CACNA1F: variants seen among roughly 807,000 people sequenced by gnomAD.
CACNA1F encodes voltage-dependent L-type calcium channel subunit alpha-1F.
CACNA1F carries 59 observed loss-of-function variants against 143.8 expected under a neutral mutation model. That is an observed-to-expected ratio of 0.41 (90% CI 0.33 to 0.51). The LOEUF (loss-of-function observed/expected upper bound fraction) is 0.51, where lower values mean the gene tolerates loss of function less well. Ranked by LOEUF, CACNA1F falls within the 20% of genes least tolerant of loss-of-function variation. The probability of loss-of-function intolerance (pLI) is 0.22; values close to 1 mark genes in which losing one functional copy is unlikely to be tolerated. For synonymous variants in CACNA1F, 643 were observed against 649.1 expected (o/e 0.99, Z 0.14); for missense variants, 1,411 against 1,647.5 (o/e 0.86, Z 2.48).
In CACNA1F at chrX:49,224,782, AG is replaced by A. The variant is rs2147916504; in HGVS notation, c.1855del (p.Leu619SerfsTer13). The stretch of plus-strand genomic sequence containing the variant: ...AAACCTGGTGACCTTAAAGATCCTG[AG>A]GAGGCGCACACATCGGAGCACTGAG... ...GISVLRCVRL[L>X]RIFKVTRHWA... On this transcript the variant is annotated frameshift_variant, in exon 14 of 48. Coordinates refer to ENST00000323022, the MANE Select transcript of CACNA1F (RefSeq NM_001256789.3). LOFTEE classifies it high-confidence loss of function. 8.5e-7 allele frequency: 1 copy of A among 1,179,997 alleles called. No homozygotes were observed. Among genetic ancestry groups the A allele is most frequent in the Non-Finnish European group, 1.1e-6 (1 of 876,952 alleles).
rs782693307 is a variant in CACNA1F, at chrX:49,217,948, T to C, written c.2986A>G (p.Thr996Ala). The change falls in exon 25 of 48, where the codon ACC becomes GCC. Residue 996 changes from threonine (T) to alanine (A), a missense_variant. This residue lies in a region of CACNA1F where 950 missense variants were observed against 1,128.1 expected (regional missense o/e 0.84). Transcript: ENST00000323022. ...IRTIGNIMIV[T>A]TLLQFMFACI... Reference sequence around the variant, plus strand: ...GCGAACATAAATTGCAGAAGTGTGGTGACAATCATGATGTTTCCGATGGTC... The same window carrying C: ...GCGAACATAAATTGCAGAAGTGTGGCGACAATCATGATGTTTCCGATGGTC... The C allele has an allele frequency of 5.0e-6, 6 of 1,208,888 alleles. No homozygotes were observed. The Admixed American group carries it at 1.3e-4, about 26-fold the overall frequency.
rs370863603 is a variant in CACNA1F, at chrX:49,211,432, C to T, written c.4150G>A (p.Gly1384Arg). 17 of 1,208,568 alleles carry T rather than the reference C, an allele frequency of 1.4e-5. No individual in the cohort carries two copies. The highest frequency in any genetic ancestry group is 8.8e-5 in the South Asian group (5 of 56,783). ...TCAGACTCAGGATCACACCGATTTC[C>T]GGGAAGGCTGGCAAGCATTATCTCC... ...WQEIMLASLP[G>R]NRCDPESDFG... The change falls in exon 36 of 48, where the codon GGA (glycine) becomes AGA (arginine). Residue 1384 changes from glycine (G) to arginine (R), a missense_variant. Gly to Arg is a moderately radical substitution (Grantham distance 125). Around this residue, in one of 3 missense-constraint regions of CACNA1F, gnomAD observed 112 missense variants for 169.2 expected, o/e 0.66. Coordinates refer to ENST00000323022, the MANE Select transcript of CACNA1F (RefSeq NM_001256789.3).
chrX:49,205,698 G>A lies in CACNA1F; in HGVS notation c.5588C>T (p.Thr1863Ile), dbSNP rs2065587632. ...YLGRSSGPLR[T>I]FTCLHVPGTH... ...TCCAGGCACGTGCAGACAGGTGAAG[G>A]TGCGCAGTGGGCCACTGGATCTGCC... Residue 1863 changes from threonine to isoleucine, a missense_variant, in exon 47 of 48, where the codon ACC becomes ATC. Thr to Ile is a moderately conservative substitution (Grantham distance 89). This residue lies in a region of CACNA1F where 349 missense variants were observed against 350.2 expected (regional missense o/e 1.00). Transcript: ENST00000323022. 8.3e-7 allele frequency: 1 copy of A among 1,202,851 alleles called. No homozygotes were observed. Among genetic ancestry groups the A allele is most frequent in the Non-Finnish European group, 1.1e-6 (1 of 891,496 alleles).
rs1557111181 is a variant in CACNA1F, at chrX:49,230,918, C to T, written c.453G>A (p.Leu151=). The part of the protein sequence containing the change: ...ETVLKIVAYG[L]VLHPSAYIRN... ...GGATGTAGGCGCTGGGGTGGAGCAC[C>T]AGCCCGTAGGCCACGATCTTGAGCA... Residue 151 remains leucine (L), a synonymous_variant, in exon 4 of 48, where the codon CTG becomes CTA. Transcript: ENST00000323022. The T allele has an allele frequency of 8.4e-7, 1 of 1,190,916 alleles. No individual in the cohort carries two copies. Among genetic ancestry groups the T allele is most frequent in the Non-Finnish European group, 1.1e-6 (1 of 883,065 alleles).
rs1557106075 is a variant in CACNA1F at position 49,210,950 on chromosome X, G to T, written c.4388+15C>A. On this transcript the variant is annotated intron_variant, in intron 37 of 47. Transcript: ENST00000323022. The stretch of plus-strand genomic sequence containing the variant: ...ATTGTCCCCTGGATTCTAGGTAAGG[G>T]TATAGAGGGCATACTTGGCCCCAGG... 4 of 1,201,742 alleles carry T rather than the reference G, an allele frequency of 3.3e-6. No homozygotes were observed. In the South Asian group the frequency reaches 5.4e-5, roughly 16 times the overall value.
intron 26 of CACNA1F, among the ~76,000 whole-genome samples, chrX:49,217,316 T>A (rs1369345863): frequency 8.8e-6 from 1 of 113,084 alleles, no homozygotes; most frequent in Non-Finnish European, 1.9e-5. Context: ...TTCCATGTAG[T>A]AGCTCATTTA....
rs782127623 is a variant in CACNA1F, at chrX:49,226,380, G to A, written c.1463+29C>T. 2.8e-5 allele frequency: 32 copies of A among 1,163,246 alleles called. No homozygotes were observed. In the Admixed American group the frequency reaches 7.5e-4, roughly 27 times the overall value. On this transcript the variant is annotated intron_variant, in intron 11 of 47. Transcript: ENST00000323022. ...TGAGTCAGGGTTTGGACTGGCTTCT[G>A]GGCTGGGTCAGGGGCTGGGGGCCCT...
chrX:49,219,799 A>G lies in CACNA1F; in HGVS notation c.2387-9T>C. On this transcript the variant is annotated splice_polypyrimidine_tract_variant and intron_variant, in intron 19 of 47. Transcript: ENST00000323022. Reference sequence around the variant, plus strand: ...CTCCTCCTCCTCCATGTCTGGCACCAGAGAAAAGCAAAAAAAAATTAATTG... The same window carrying G: ...CTCCTCCTCCTCCATGTCTGGCACCGGAGAAAAGCAAAAAAAAATTAATTG... 9.7e-7 allele frequency: 1 copy of G among 1,026,616 alleles called. No homozygotes were observed. The highest frequency in any genetic ancestry group is 1.3e-6 in the Non-Finnish European group (1 of 747,623). 84.6% of individuals were successfully genotyped at this position (1,026,616 alleles called of 1,213,427 possible). A position where few individuals can be genotyped will look rare whatever the true frequency, so the allele number is the denominator to read the frequency against.
intron 17 of CACNA1F, among the ~76,000 whole-genome samples, chrX:49,221,511 C>T (rs371341734): frequency 2.7e-5 from 3 of 110,225 alleles, no homozygotes; most frequent in South Asian, 3.9e-4. Context: ...TGGGTTCAAG[C>T]GAGCTTGTCC....
intron 1 of CACNA1F, 30 bp from the exon 2 acceptor site, chrX:49,231,957 C>T: frequency 8.6e-7 from 1 of 1,156,822 alleles, no homozygotes; most frequent in Non-Finnish European, 1.2e-6. Context: ...CAGGGAGGGA[C>T]AGGGTATTGG....
Position 49,205,169 on chromosome X carries a change from C to T in CACNA1F, c.5869G>A (p.Gly1957Arg), listed in dbSNP as rs1557104480. ...ILSRFDEEDL[G>R]DEMACVHAL ...GCGTGGACGCAGGCCATCTCGTCTC[C>T]CAAGTCCTCCTCATCGAAGCGGGAG... Residue 1957 changes from glycine to arginine, a missense_variant, in exon 48 of 48, where the codon GGA (glycine) becomes AGA (arginine). Transcript: ENST00000323022. The T allele has an allele frequency of 1.7e-6, 2 of 1,210,927 alleles. No individual in the cohort carries two copies. The highest frequency in any genetic ancestry group is 2.2e-6 in the Non-Finnish European group (2 of 894,771).
At position 49,219,656 on chromosome X, in the gene CACNA1F, A is replaced by C. The variant is rs1281243509; in HGVS notation, c.2521T>G (p.Phe841Val). The C allele has an allele frequency of 8.3e-7, 1 of 1,203,013 alleles. No homozygotes were observed. Among genetic ancestry groups the C allele is most frequent in the Non-Finnish European group, 1.1e-6 (1 of 891,959 alleles). Residue 841 changes from phenylalanine to valine, a missense_variant, in exon 20 of 48, where the codon TTC (phenylalanine) becomes GTC (valine). Phe to Val is a conservative substitution (Grantham distance 50). This residue lies in a region of CACNA1F where 950 missense variants were observed against 1,128.1 expected (regional missense o/e 0.84). Coordinates refer to ENST00000323022, the MANE Select transcript of CACNA1F (RefSeq NM_001256789.3). ...CACGGGTTGGTTTGGCTGAGGCAGA[A>C]GAAGGCGCTGCCCTCAGGGATGGGT... ...VVPIPEGSAF[F>V]CLSQTNPLRK...
intron 41 of CACNA1F, 116 bp downstream of exon 41, chrX:49,209,513 C>T (rs1253586403): frequency 2.7e-6 from 3 of 1,129,475 alleles, no homozygotes; most frequent in Non-Finnish European, 3.6e-6. Flanking sequence ...CTCCGTGAGG[C>T]CTGGGGCCTC....
Position 49,226,007 on chromosome X carries a change from T to C in CACNA1F, c.1553A>G (p.Asn518Ser), listed in dbSNP as rs1236094631. The C allele has an allele frequency of 3.4e-6, 4 of 1,182,420 alleles. No homozygotes were observed. In the African/African-American group the frequency reaches 5.3e-5, roughly 16 times the overall value. ...CAACAGCACAGCCCAGTAGCAGGCATTGGACTTCACTGCCCGACGGCAGCG... is the reference window on the plus strand; with the variant it reads ...CAACAGCACAGCCCAGTAGCAGGCACTGGACTTCACTGCCCGACGGCAGCG... ...RARCRRAVKS[N>S]ACYWAVLLLV... Residue 518 changes from asparagine (N) to serine (S), a missense_variant, in exon 13 of 48, where the codon AAT (asparagine) becomes AGT (serine). Around this residue, in one of 3 missense-constraint regions of CACNA1F, gnomAD observed 950 missense variants for 1,128.1 expected, o/e 0.84. Coordinates refer to ENST00000323022, the MANE Select transcript of CACNA1F (RefSeq NM_001256789.3).
Position 49,231,006 on chromosome X carries a change from G to A in CACNA1F, c.382-17C>T. On this transcript the variant is annotated splice_polypyrimidine_tract_variant and intron_variant, in intron 3 of 47. Transcript: ENST00000323022. ...CACCTGCTCCTGGGGGTGGGACCGG[G>A]GGGCGGGTCGGGAAGTCGAGGAGTT... The A allele has an allele frequency of 9.0e-7, 1 of 1,115,982 alleles. No homozygotes were observed. The highest frequency in any genetic ancestry group is 2.2e-5 in the Admixed American group (1 of 45,212). The allele number at this position is 1,115,982 out of a possible 1,213,427, so 92.0% of individuals were successfully genotyped here. A position where few individuals can be genotyped will look rare whatever the true frequency, so the allele number is the denominator to read the frequency against.
chrX:49,231,133 G>A lies in CACNA1F; in HGVS notation c.381+69C>T, dbSNP rs2065874656. Reference sequence around the variant, plus strand: ...CCGGGTCAGAGAGGGGGCGGGGTCTGGCTGGAAGGAGTGAGCTCTACTGGG... The same window carrying A: ...CCGGGTCAGAGAGGGGGCGGGGTCTAGCTGGAAGGAGTGAGCTCTACTGGG... On this transcript the variant is annotated intron_variant, in intron 3 of 47. Transcript: ENST00000323022. The A allele has an allele frequency of 1.5e-5, 13 of 865,501 alleles. No individual in the cohort carries two copies. In the South Asian group the frequency reaches 2.4e-4, roughly 16 times the overall value. 71.3% of individuals were successfully genotyped at this position (865,501 alleles called of 1,213,427 possible). A position where few individuals can be genotyped will look rare whatever the true frequency, so the allele number is the denominator to read the frequency against.
chrX:49,208,161 G>T (rs111339008), intron 43 of CACNA1F, among the ~76,000 whole-genome samples: 8,801 of 98,447 alleles, frequency 0.089, 1,164 homozygotes, highest in African/African-American at 0.32. Flanking sequence ...TTGTGCCACT[G>T]CACTCCAGCC....
At position 49,205,507 on chromosome X, in the gene CACNA1F, A is replaced by G. The variant is rs782723292; in HGVS notation, c.5670+109T>C. On this transcript the variant is annotated intron_variant, in intron 47 of 47. Transcript: ENST00000323022. ...TGAGCAGAGGTCGTAGGGCAAAGGG[A>G]TATCTACATGCACAACACAGGACCT... 1.5e-3 allele frequency: 1,340 copies of G among 878,630 alleles called. 1 individual carries two copies. Among genetic ancestry groups the G allele is most frequent in the Non-Finnish European group, 2.0e-3 (1,240 of 612,651 alleles). The allele number at this position is 878,630 out of a possible 1,213,427, so 72.4% of individuals were successfully genotyped here. A position where few individuals can be genotyped will look rare whatever the true frequency, so the allele number is the denominator to read the frequency against.
chrX:49,208,422 C>A, intron 43 of CACNA1F, 93 bp downstream of exon 43: 3 of 466,244 alleles, frequency 6.4e-6, no homozygotes, highest in Non-Finnish European at 1.1e-5. Flanking sequence ...CCCTCCCTCC[C>A]ACCCCCCTCA....
Sources: gnomAD v4.1 joint callset for allele counts (sites outside exome capture counted in the v4.1 genomes callset) on GRCh38, gnomAD v4.1.1 for gene constraint, gnomAD v4.1.1 regional missense constraint, MANE v1.5 for transcripts, NCBI Gene and HGNC (gene_info 2026-07-23, HGNC 2026-07-21) for gene names.